ST6GAL1: variants seen among roughly 807,000 people sequenced by gnomAD.
ST6GAL1 encodes the protein beta-galactoside alpha-2,6-sialyltransferase 1.
ST6GAL1 carries 20 observed loss-of-function variants against 38.0 expected under a neutral mutation model. The ratio of observed to expected loss-of-function variants is 0.53; its 90% CI spans 0.37 to 0.77. ST6GAL1 has a LOEUF of 0.77. Ranked by LOEUF, ST6GAL1 falls within the 30% of genes least tolerant of loss-of-function variation. The pLI is 0.00. For missense variants in ST6GAL1, 432 were observed against 496.4 expected (o/e 0.87, Z 1.23); for synonymous variants, 196 against 188.2 (o/e 1.04, Z -0.34).
At chr3:187,022,053 T>C (rs1477328343) in intron 2 of ST6GAL1, 3 of 152,180 alleles carry the variant, frequency 2.0e-5, no homozygotes, top group Admixed American at 1.3e-4. Context: ...AGCAAATTAA[T>C]TGAACCCACG....
intron 2 of ST6GAL1, among the ~76,000 whole-genome samples, chr3:187,037,565 A>G (rs1717972282): frequency 6.6e-6 from 1 of 151,980 alleles, no homozygotes; most frequent in Non-Finnish European, 1.5e-5. Flanking sequence ...ACAGGTATAT[A>G]TTTATATTTT....
chr3:187,018,869 A>G (rs1426749784), intron 2 of ST6GAL1, among the ~76,000 whole-genome samples: 5 of 152,224 alleles, frequency 3.3e-5, no homozygotes, highest in African/African-American at 9.6e-5. Context: ...TCCACAAACC[A>G]GAGTCCCTTG....
intron 2 of ST6GAL1, among the ~76,000 whole-genome samples, chr3:186,999,199 G>C (rs967468603): frequency 9.9e-5 from 15 of 152,204 alleles, no homozygotes; most frequent in African/African-American, 3.6e-4. Context: ...TAGGCGGTAA[G>C]CCTCTGTCTA....
intron 2 of ST6GAL1, chr3:187,021,874 T>A (rs2108565267): frequency 6.6e-6 from 1 of 151,970 alleles, no homozygotes; most frequent in African/African-American, 2.4e-5. Context: ...GATAGCTTAA[T>A]AGGAGGAGGT....
At position 186,952,452 on chromosome 3, in the gene ST6GAL1, C is replaced by T. The variant is rs549564219; in HGVS notation, c.-324-11333C>T. On this transcript the variant is annotated intron_variant, in intron 1 of 7. Transcript: ENST00000169298. The surrounding 1 kb of genome is among the most constrained non-coding windows in gnomAD (Gnocchi z 4.1). ...TGTCTTTGCTTTTCCTCTTCTCTCACTAGGTTCTCCTTCTCAGTTCCTTTT... is the reference window on the plus strand; with the variant it reads ...TGTCTTTGCTTTTCCTCTTCTCTCATTAGGTTCTCCTTCTCAGTTCCTTTT... 4.6e-5 allele frequency among the ~76,000 whole-genome samples: 7 copies of T among 152,256 alleles called. No homozygotes were observed. The highest frequency in any genetic ancestry group is 1.7e-4 in the African/African-American group (7 of 41,544).
chr3:186,943,446 T>A (rs1714248792), intron 1 of ST6GAL1, among the ~76,000 whole-genome samples: 1 of 152,192 alleles, frequency 6.6e-6, no homozygotes, highest in Admixed American at 6.5e-5. Flanking sequence ...CTCAATTTTT[T>A]ATTTTATTTT....
At chr3:187,069,886 G>A (rs1433609441) in intron 5 of ST6GAL1, among the ~76,000 whole-genome samples, 3 of 152,164 alleles carry the variant, frequency 2.0e-5, no homozygotes, top group Non-Finnish European at 4.4e-5. Context: ...AACAAAAAAT[G>A]CATTTCTCTC....
intron 2 of ST6GAL1, among the ~76,000 whole-genome samples, chr3:187,009,776 C>T (rs900201817): frequency 3.3e-5 from 5 of 152,198 alleles, no homozygotes; most frequent in African/African-American, 4.8e-5. Flanking sequence ...TAGGCTGAGG[C>T]GGGTGGATCA....
At chr3:186,968,965 T>A (rs2108530119) in intron 2 of ST6GAL1, among the ~76,000 whole-genome samples, 1 of 152,288 alleles carries the variant, frequency 6.6e-6, no homozygotes. Flanking sequence ...ACCAGCTGTG[T>A]ACTAGAATTC....
At chr3:187,044,887 G>C in intron 4 of ST6GAL1, among the ~76,000 whole-genome samples, 1 of 152,222 alleles carries the variant, frequency 6.6e-6, no homozygotes. Context: ...CTTTGATCCT[G>C]AGATGTAATC....
rs1385563635 is a variant in ST6GAL1, at chr3:187,072,847, A to T, written c.706-2A>T. 6.2e-7 allele frequency: 1 copy of T among 1,613,098 alleles called. No individual in the cohort carries two copies. Among genetic ancestry groups the T allele is most frequent in the Non-Finnish European group, 8.5e-7 (1 of 1,179,212 alleles). On this transcript the variant is annotated splice_acceptor_variant, in intron 5 of 7. Coordinates refer to ENST00000169298, the MANE Select transcript of ST6GAL1 (RefSeq NM_173216.2). LOFTEE classifies it high-confidence loss of function. Reference sequence around the variant, plus strand: ...CGACAGCTTATCTCTTTCTTCCTGCAGTTGGTTACCACAGAGAAGCGCTTC... The same window carrying T: ...CGACAGCTTATCTCTTTCTTCCTGCTGTTGGTTACCACAGAGAAGCGCTTC...
intron 2 of ST6GAL1, among the ~76,000 whole-genome samples, chr3:186,968,426 C>T (rs1389345714): frequency 6.6e-6 from 1 of 152,116 alleles, no homozygotes; most frequent in Non-Finnish European, 1.5e-5. Context: ...TGAGTTTTGA[C>T]ATATGTATAC....
At chr3:186,970,858 A>G (rs1295085169) in intron 2 of ST6GAL1, among the ~76,000 whole-genome samples, 1 of 152,240 alleles carries the variant, frequency 6.6e-6, no homozygotes, top group Non-Finnish European at 1.5e-5. Flanking sequence ...TTAAGCTGCT[A>G]TGAACAATTG....
rs746769364 is a variant in ST6GAL1, at chr3:186,931,808, C to T, written c.-325+974C>T. On this transcript the variant is annotated intron_variant, in intron 1 of 7. Transcript: ENST00000169298. ...GTTAATGCATTTTCGCAAGCAAGGC[C>T]AGCCGAGACCTCGTATTCTAGCTGG... 2.0e-5 allele frequency among the ~76,000 whole-genome samples: 3 copies of T among 152,240 alleles called. No individual in the cohort carries two copies. The East Asian group carries it at 5.8e-4, about 29-fold the overall frequency.
intron 5 of ST6GAL1, among the ~76,000 whole-genome samples, chr3:187,062,137 T>C (rs1718936897): frequency 6.6e-6 from 1 of 152,128 alleles, no homozygotes; most frequent in Admixed American, 6.5e-5. Context: ...TCTTTTTTGC[T>C]AGGGAAATGC....
rs566799437 is a variant in ST6GAL1 at position 186,955,347 on chromosome 3, G to GT, written c.-324-8430dup. On this transcript the variant is annotated intron_variant, in intron 1 of 7. Coordinates refer to ENST00000169298, the MANE Select transcript of ST6GAL1 (RefSeq NM_173216.2). The stretch of plus-strand genomic sequence containing the variant: ...TTGGTTCCATGTGAATTTTAAAGTA[G>GT]TTTTTTTTCTAATTCTGTGAAGAAT... 1.5e-3 allele frequency among the ~76,000 whole-genome samples: 217 copies of GT among 149,364 alleles called. 2 individuals are homozygous for GT. The South Asian group carries it at 0.02, about 14-fold the overall frequency.
At chr3:187,023,867 T>C in intron 2 of ST6GAL1, among the ~76,000 whole-genome samples, 1 of 149,798 alleles carries the variant, frequency 6.7e-6, no homozygotes, top group Non-Finnish European at 1.5e-5. Flanking sequence ...ACATGTACCC[T>C]AAAACTTAAA....
intron 2 of ST6GAL1, among the ~76,000 whole-genome samples, chr3:186,987,513 A>T (rs531566716): frequency 1.3e-5 from 2 of 152,318 alleles, no homozygotes; most frequent in African/African-American, 4.8e-5. Context: ...CAGATTCCCC[A>T]GCACCCAGCA....
Position 187,015,472 on chromosome 3 carries a change from G to T in ST6GAL1, c.-182-23270G>T, listed in dbSNP as rs1320805386. Among the ~76,000 whole-genome samples, 4 of 152,102 alleles carry T rather than the reference G, an allele frequency of 2.6e-5. No homozygotes were observed. In the East Asian group the frequency reaches 5.8e-4, roughly 22 times the overall value. ...TCACTGAAAATCACTGAAATTCCAGGGTTAGGTGGGCATGGCTTTGGCTGA... is the reference window on the plus strand; with the variant it reads ...TCACTGAAAATCACTGAAATTCCAGTGTTAGGTGGGCATGGCTTTGGCTGA... On this transcript the variant is annotated intron_variant, in intron 2 of 7. Transcript: ENST00000169298.
Sources: allele counts gnomAD v4.1 joint callset (sites outside exome capture counted in the v4.1 genomes callset), GRCh38; gene constraint gnomAD v4.1.1; non-coding constraint Gnocchi (gnomAD v3.1); transcripts MANE v1.5; gene names NCBI Gene and HGNC (gene_info 2026-07-23, HGNC 2026-07-21).